Variants in MYT1L observed in about 807,000 individuals in gnomAD.
The protein encoded by MYT1L is myelin transcription factor 1-like protein.
MYT1L carries 12 observed loss-of-function variants against 126.7 expected under a neutral mutation model. The observed-to-expected ratio is 0.09, with a 90% CI of 0.06 to 0.15. MYT1L has a LOEUF of 0.15. Ranked by LOEUF, MYT1L falls within the 10% of genes least tolerant of loss-of-function variation. MYT1L has a pLI of 1.00. For synonymous variants in MYT1L, 541 were observed against 604.2 expected (o/e 0.90, Z 1.53); for missense variants, 979 against 1,585.2 (o/e 0.62, Z 6.49).
chr2:2,276,919 C>G (rs1216029099), intron 2 of MYT1L, among the ~76,000 whole-genome samples: 1 of 152,170 alleles, frequency 6.6e-6, no homozygotes, highest in Non-Finnish European at 1.5e-5. Flanking sequence ...ACCACGGCAC[C>G]ACACATGTGC....
At chr2:2,118,692 T>C (rs2080549754) in intron 3 of MYT1L, among the ~76,000 whole-genome samples, 1 of 152,238 alleles carries the variant, frequency 6.6e-6, no homozygotes, top group Non-Finnish European at 1.5e-5. Context: ...ATTCCAGTCA[T>C]TTTGCTTGGA....
intron 3 of MYT1L, among the ~76,000 whole-genome samples, chr2:2,069,079 T>C (rs1245183238): frequency 1.3e-5 from 2 of 151,726 alleles, no homozygotes; most frequent in African/African-American, 4.9e-5. Context: ...ACATTTTTTT[T>C]TCTTTTATTA....
At chr2:2,122,972 T>C (rs2081249583) in intron 3 of MYT1L, among the ~76,000 whole-genome samples, 1 of 150,776 alleles carries the variant, frequency 6.6e-6, no homozygotes, top group Non-Finnish European at 1.5e-5. Flanking sequence ...GAGAGAGAGC[T>C]TGGGGGCAGT....
chr2:2,085,010 T>A (rs919288983), intron 3 of MYT1L, among the ~76,000 whole-genome samples: 5 of 152,260 alleles, frequency 3.3e-5, no homozygotes, highest in African/African-American at 1.2e-4. Flanking sequence ...TCTAAGCAGC[T>A]CTGCCCACCC....
chr2:1,982,747 C>G (rs1224537915), intron 5 of MYT1L, among the ~76,000 whole-genome samples: 1 of 152,152 alleles, frequency 6.6e-6, no homozygotes, highest in African/African-American at 2.4e-5. Context: ...ACAGAATTCT[C>G]AAAGTTTCCA....
At chr2:2,252,667 C>T (rs1230083490) in intron 2 of MYT1L, among the ~76,000 whole-genome samples, 1 of 152,128 alleles carries the variant, frequency 6.6e-6, no homozygotes. Context: ...CAGGGAGGGC[C>T]CGGCATGCAA....
intron 3 of MYT1L, among the ~76,000 whole-genome samples, chr2:2,096,002 G>A (rs566480487): frequency 7.9e-5 from 12 of 152,000 alleles, no homozygotes; most frequent in African/African-American, 2.2e-4. Flanking sequence ...GGTCTGTGGC[G>A]CCCACCTGTG....
intron 2 of MYT1L, among the ~76,000 whole-genome samples, chr2:2,248,432 G>A (rs1218989721): frequency 6.6e-6 from 1 of 152,026 alleles, no homozygotes. Flanking sequence ...CTTCACTGCT[G>A]AATTCTACCA....
Position 1,887,162 on chromosome 2 carries a change from A to G in MYT1L, c.2642+326T>C, listed in dbSNP as rs1470688860. The G allele has an allele frequency of 2.4e-6, 1 of 418,328 alleles. No homozygotes were observed. The highest frequency in any genetic ancestry group is 4.2e-6 in the Non-Finnish European group (1 of 239,970). The allele number at this position is 418,328 out of a possible 1,614,324, so 25.9% of individuals were successfully genotyped here. A position where few individuals can be genotyped will look rare whatever the true frequency, so the allele number is the denominator to read the frequency against. On this transcript the variant is annotated intron_variant, in intron 17 of 24. Transcript: ENST00000647738. The surrounding 1 kb of genome is among the most constrained non-coding windows in gnomAD (Gnocchi z 4.8). ...AACAAAAACAGCCAAAATAGTAAGT[A>G]TGTTTAAAAAAAAAAAAAACTTTTA...
intron 2 of MYT1L, among the ~76,000 whole-genome samples, chr2:2,218,704 T>C (rs892675932): frequency 5.3e-5 from 8 of 152,216 alleles, no homozygotes; most frequent in Non-Finnish European, 4.4e-5. Context: ...ATTTATGTCA[T>C]GTCAATTGTC....
chr2:2,090,833 G>A (rs1484285109), intron 3 of MYT1L, among the ~76,000 whole-genome samples: 2 of 152,160 alleles, frequency 1.3e-5, no homozygotes, highest in African/African-American at 4.8e-5. Flanking sequence ...AGTGTTTACA[G>A]CATCTTCACC....
rs112151241 is a variant in MYT1L at position 2,194,302 on chromosome 2, G to A, written c.-420-21314C>T. Among the ~76,000 whole-genome samples the A allele has an allele frequency of 3.9e-3, 589 of 152,174 alleles. 4 individuals are homozygous for A. Among genetic ancestry groups the A allele is most frequent in the African/African-American group, 0.014 (562 of 41,484 alleles). On this transcript the variant is annotated intron_variant, in intron 2 of 24. Coordinates refer to ENST00000647738, the MANE Select transcript of MYT1L (RefSeq NM_001303052.2). ...GCTATGTTGCCCAGGCTGGTCTTGA[G>A]CTCCTGGGCTCAAGCAACCTCCCAA... is the stretch of plus-strand genomic sequence containing the variant.
At chr2:2,003,991 GTTCTTTCCTGCATGCC>G (rs751696890) in intron 4 of MYT1L, among the ~76,000 whole-genome samples, 7,014 of 148,276 alleles carry the variant, frequency 0.047, 179 homozygotes, top group Non-Finnish European at 0.065. Flanking sequence ...TCCTGCAAGC[GTTCTTTCCTGCATGCC>G]TTCTTTCCTG....
In MYT1L at chr2:2,146,683, C is replaced by T. The variant is rs35729429; in HGVS notation, c.-304+26189G>A. On this transcript the variant is annotated intron_variant, in intron 3 of 24. Coordinates refer to ENST00000647738, the MANE Select transcript of MYT1L (RefSeq NM_001303052.2). ...CAAATAACTTCAGAATTAACAAGTGCATCTACACAGTGAACAATTTCCTAT... is the reference window on the plus strand; with the variant it reads ...CAAATAACTTCAGAATTAACAAGTGTATCTACACAGTGAACAATTTCCTAT... 6.5e-3 allele frequency among the ~76,000 whole-genome samples: 980 copies of T among 151,186 alleles called. 6 individuals are homozygous for T. Among genetic ancestry groups the T allele is most frequent in the Non-Finnish European group, 0.011 (760 of 67,734 alleles).
At chr2:2,231,963 G>A (rs1355419149) in intron 2 of MYT1L, among the ~76,000 whole-genome samples, 1 of 152,176 alleles carries the variant, frequency 6.6e-6, no homozygotes, top group Non-Finnish European at 1.5e-5. Flanking sequence ...TCAGAGAGAT[G>A]CACAAGTTCT....
chr2:2,074,555 C>T (rs1019885143), intron 3 of MYT1L, among the ~76,000 whole-genome samples: 1 of 152,034 alleles, frequency 6.6e-6, no homozygotes, highest in African/African-American at 2.4e-5. Context: ...TAAAAAAATA[C>T]CAGTGAAGGC....
intron 2 of MYT1L, among the ~76,000 whole-genome samples, chr2:2,177,239 A>G (rs1464824883): frequency 6.6e-6 from 1 of 152,248 alleles, no homozygotes; most frequent in Non-Finnish European, 1.5e-5. Context: ...TGACAATTCC[A>G]GTTCCTGGTA....
At chr2:2,104,309 T>C (rs2078472492) in intron 3 of MYT1L, among the ~76,000 whole-genome samples, 1 of 152,216 alleles carries the variant, frequency 6.6e-6, no homozygotes, top group East Asian at 1.9e-4. Flanking sequence ...TCTCAATTGA[T>C]GATGATAAGA....
chr2:1,862,888 T>C (rs919752629), intron 18 of MYT1L, among the ~76,000 whole-genome samples: 10 of 151,578 alleles, frequency 6.6e-5, no homozygotes, highest in African/African-American at 2.4e-4. Flanking sequence ...GTAGGGAAGA[T>C]GGGAGAAGAA....
Sources: allele counts gnomAD v4.1 joint callset (sites outside exome capture counted in the v4.1 genomes callset), GRCh38; gene constraint gnomAD v4.1.1; non-coding constraint Gnocchi (gnomAD v3.1); transcripts MANE v1.5; gene names NCBI Gene and HGNC (gene_info 2026-07-23, HGNC 2026-07-21).